The following NBAS variants were observed in gnomAD, a reference collection of about 807,000 sequenced individuals.
NBAS encodes NAG/BC035112 fusion.
A neutral mutation model predicts 302.5 loss-of-function variants in NBAS; 219 were observed. The ratio of observed to expected loss-of-function variants is 0.72; its 90% CI spans 0.65 to 0.81. The LOEUF is 0.81. Among genes scored for constraint, NBAS ranks in the 30% least tolerant of loss-of-function variants. The pLI is 0.00. For missense variants in NBAS, 2,932 were observed against 2,841.6 expected, an observed-to-expected ratio of 1.03 and a Z score of -0.72; for synonymous variants, 1,118 against 1,021.6, an observed-to-expected ratio of 1.09 and a Z score of -1.80.
At chr2:15,248,792 C>T (rs1668224948) in intron 44 of NBAS, among the ~76,000 whole-genome samples, 2 of 152,132 alleles carry the variant, frequency 1.3e-5, no homozygotes, top group African/African-American at 4.8e-5. Context: ...AGACCAATAA[C>T]AAGTTCTGAA....
chr2:14,943,942 T>C, the NBAS span, among the ~76,000 whole-genome samples: 2 of 152,164 alleles, frequency 1.3e-5, no homozygotes, highest in South Asian at 2.1e-4. Flanking sequence ...GTCCACAAAG[T>C]TCCCCCTGCT....
chr2:15,002,804 C>G, the NBAS span, among the ~76,000 whole-genome samples: 38 of 152,208 alleles, frequency 2.5e-4, no homozygotes, highest in African/African-American at 9.2e-4. Flanking sequence ...TGCCCAGGGC[C>G]GGCAGGGCGG....
chr2:15,106,096 C>A, the NBAS span, among the ~76,000 whole-genome samples: 3 of 151,968 alleles, frequency 2.0e-5, no homozygotes, highest in Non-Finnish European at 4.4e-5. Flanking sequence ...GAGAGTTGGC[C>A]CAATGCACAA....
the NBAS span, among the ~76,000 whole-genome samples, chr2:14,854,015 A>G: frequency 6.8e-6 from 1 of 148,016 alleles, no homozygotes; most frequent in Non-Finnish European, 1.5e-5. Context: ...TGGCACATGT[A>G]TACATATGTA....
intron 9 of NBAS, among the ~76,000 whole-genome samples, chr2:15,516,690 T>C (rs1327917480): frequency 1.4e-5 from 2 of 146,354 alleles, no homozygotes; most frequent in Non-Finnish European, 3.0e-5. Context: ...TCCACTGCAC[T>C]CCAGCTTGGG....
At chr2:15,372,028 C>T (rs1558280195) in intron 31 of NBAS, among the ~76,000 whole-genome samples, 1 of 152,100 alleles carries the variant, frequency 6.6e-6, no homozygotes, top group South Asian at 2.1e-4. Context: ...CTTATTAGTA[C>T]CCCCATTTGG....
chr2:14,902,503 G>C, the NBAS span, among the ~76,000 whole-genome samples: 2 of 152,300 alleles, frequency 1.3e-5, no homozygotes, highest in Non-Finnish European at 2.9e-5. Flanking sequence ...GAAAAACAGA[G>C]AGATACACAC....
At chr2:15,329,323 G>A (rs1252658071) in intron 36 of NBAS, among the ~76,000 whole-genome samples, 1 of 152,012 alleles carries the variant, frequency 6.6e-6, no homozygotes, top group Non-Finnish European at 1.5e-5. Flanking sequence ...TTGTTCTTAG[G>A]TCTCCTCTTT....
At chr2:14,829,156 G>T in the NBAS span, among the ~76,000 whole-genome samples, 1 of 151,946 alleles carries the variant, frequency 6.6e-6, no homozygotes, top group Non-Finnish European at 1.5e-5. Flanking sequence ...CAGAACCCAG[G>T]TTAATGGATA....
At chr2:15,013,922 T>G in the NBAS span, among the ~76,000 whole-genome samples, 1 of 151,992 alleles carries the variant, frequency 6.6e-6, no homozygotes, top group East Asian at 1.9e-4. Flanking sequence ...CAGTGATGTG[T>G]GAACACACAT....
At chr2:15,216,643 T>A (rs1263758049) in intron 48 of NBAS, among the ~76,000 whole-genome samples, 1 of 152,206 alleles carries the variant, frequency 6.6e-6, no homozygotes, top group East Asian at 1.9e-4. Flanking sequence ...GTTTCTTGAG[T>A]AATTAGAACA....
At chr2:14,977,976 G>A in the NBAS span, among the ~76,000 whole-genome samples, 1 of 151,988 alleles carries the variant, frequency 6.6e-6, no homozygotes, top group Non-Finnish European at 1.5e-5. Flanking sequence ...TTGCCGCTGA[G>A]GACAGTGAAG....
downstream of NBAS, among the ~76,000 whole-genome samples, chr2:15,165,719 T>A (rs1023815241): frequency 6.6e-6 from 1 of 152,156 alleles, no homozygotes; most frequent in Non-Finnish European, 1.5e-5. Context: ...ATACACTGTA[T>A]GTTAAAGACC....
chr2:15,361,476 G>A (rs1483353404), intron 32 of NBAS, among the ~76,000 whole-genome samples: 3 of 151,874 alleles, frequency 2.0e-5, no homozygotes, highest in African/African-American at 4.8e-5. Flanking sequence ...TCGCACCACC[G>A]CACTCCAGCC....
the NBAS span, among the ~76,000 whole-genome samples, chr2:15,058,662 G>A: frequency 6.6e-6 from 1 of 152,174 alleles, no homozygotes; most frequent in Non-Finnish European, 1.5e-5. Flanking sequence ...CCTTGAGGCA[G>A]AAATGGCATG....
chr2:15,334,465 G>A (rs542673863), intron 35 of NBAS, among the ~76,000 whole-genome samples: 2 of 152,230 alleles, frequency 1.3e-5, no homozygotes, highest in East Asian at 3.9e-4. Context: ...TGGGATTACA[G>A]GTGTCAGCCA....
chr2:15,278,450 A>G (rs1281089638), intron 42 of NBAS, among the ~76,000 whole-genome samples: 1 of 152,174 alleles, frequency 6.6e-6, no homozygotes, highest in African/African-American at 2.4e-5. Flanking sequence ...TACCTTGTCT[A>G]TCTTCCTTCC....
At chr2:15,399,555 C>A (rs867520612) in intron 26 of NBAS, among the ~76,000 whole-genome samples, 3 of 152,182 alleles carry the variant, frequency 2.0e-5, no homozygotes, top group Middle Eastern at 3.4e-3. Context: ...TGTGAGGTAG[C>A]CTGTGTTCAG....
At chr2:14,872,206 A>C in the NBAS span, among the ~76,000 whole-genome samples, 34 of 152,206 alleles carry the variant, frequency 2.2e-4, no homozygotes, top group Admixed American at 2.2e-3. Context: ...CTAAATATTT[A>C]TGTATAACAA....
Sources: allele counts gnomAD v4.1 joint callset (sites outside exome capture counted in the v4.1 genomes callset), GRCh38; gene constraint gnomAD v4.1.1; transcripts MANE v1.5; gene names NCBI Gene and HGNC (gene_info 2026-07-23, HGNC 2026-07-21).